CNTNAP2: variants seen among roughly 807,000 people sequenced by gnomAD.
CNTNAP2 encodes contactin-associated protein-like 2.
CNTNAP2 carries 98 observed loss-of-function variants against 155.2 expected under a neutral mutation model. The observed-to-expected ratio is 0.63, with a 90% CI of 0.54 to 0.75. The LOEUF (loss-of-function observed/expected upper bound fraction) is 0.75. Ranked by LOEUF, CNTNAP2 falls within the 30% of genes least tolerant of loss-of-function variation. The pLI is 0.00. For missense variants in CNTNAP2, 1,727 were observed against 1,688.1 expected (o/e 1.02, Z -0.40); for synonymous variants, 651 against 631.2 (o/e 1.03, Z -0.47).
At chr7:148,208,038 A>G (rs1285218890) in intron 18 of CNTNAP2, among the ~76,000 whole-genome samples, 2 of 151,960 alleles carry the variant, frequency 1.3e-5, no homozygotes, top group Middle Eastern at 3.4e-3. Context: ...GCAGTGAGCC[A>G]AGATTACGCC....
At chr7:147,998,283 T>G (rs1323090555) in intron 15 of CNTNAP2, among the ~76,000 whole-genome samples, 7 of 151,818 alleles carry the variant, frequency 4.6e-5, no homozygotes, top group Admixed American at 3.3e-4. Context: ...GGCTAATTTT[T>G]TGTATTTTTA....
intron 4 of CNTNAP2, among the ~76,000 whole-genome samples, chr7:147,074,170 C>T (rs1000148708): frequency 6.6e-6 from 1 of 152,080 alleles, no homozygotes; most frequent in African/African-American, 2.4e-5. Flanking sequence ...CAACGTGTTT[C>T]CCTGATAATC....
At chr7:147,983,379 G>A (rs1268774244) in intron 15 of CNTNAP2, among the ~76,000 whole-genome samples, 3 of 151,616 alleles carry the variant, frequency 2.0e-5, no homozygotes, top group East Asian at 1.9e-4. Flanking sequence ...AATCACTTTC[G>A]ATTCATTTTC....
intron 1 of CNTNAP2, among the ~76,000 whole-genome samples, chr7:146,601,164 G>A (rs1798944105): frequency 6.6e-6 from 1 of 152,148 alleles, no homozygotes; most frequent in East Asian, 1.9e-4. Context: ...CTAGAATATT[G>A]TTTGGCATAG....
intron 13 of CNTNAP2, among the ~76,000 whole-genome samples, chr7:147,674,549 A>G (rs553894884): frequency 6.0e-4 from 92 of 152,306 alleles, no homozygotes; most frequent in African/African-American, 1.7e-3. Flanking sequence ...AGAGTTATTT[A>G]TATAAGCAGC....
intron 13 of CNTNAP2, among the ~76,000 whole-genome samples, chr7:147,854,123 A>C (rs1003676038): frequency 6.6e-6 from 1 of 152,184 alleles, no homozygotes; most frequent in East Asian, 1.9e-4. Flanking sequence ...TTCGGCCATT[A>C]TACCAGCTAA....
intron 19 of CNTNAP2, among the ~76,000 whole-genome samples, chr7:148,223,302 T>C (rs1795785792): frequency 1.3e-5 from 2 of 152,188 alleles, no homozygotes. Context: ...TAATGTACTG[T>C]ATTGTTATCT....
At chr7:147,424,768 T>C (rs1269812343) in intron 10 of CNTNAP2, among the ~76,000 whole-genome samples, 1 of 152,176 alleles carries the variant, frequency 6.6e-6, no homozygotes, top group Non-Finnish European at 1.5e-5. Context: ...TAAAAATAAA[T>C]GTTTCTCTCT....
chr7:146,242,124 C>G (rs1799572197), intron 1 of CNTNAP2, among the ~76,000 whole-genome samples: 1 of 152,184 alleles, frequency 6.6e-6, no homozygotes, highest in South Asian at 2.1e-4. Context: ...AAATGTTTCA[C>G]TCATTGTTTT....
intron 13 of CNTNAP2, among the ~76,000 whole-genome samples, chr7:147,888,143 A>C (rs1410232446): frequency 2.6e-5 from 4 of 152,198 alleles, no homozygotes; most frequent in Non-Finnish European, 5.9e-5. Flanking sequence ...ATTGTGAATC[A>C]ATAGAGATAA....
chr7:147,818,505 G>C (rs2116617986), intron 13 of CNTNAP2, among the ~76,000 whole-genome samples: 2 of 152,270 alleles, frequency 1.3e-5, no homozygotes, highest in East Asian at 3.9e-4. Context: ...GATGCCCCGT[G>C]CACTCACGAT....
chr7:147,630,984 A>G (rs1026934051), intron 12 of CNTNAP2, among the ~76,000 whole-genome samples: 2 of 152,144 alleles, frequency 1.3e-5, no homozygotes, highest in Non-Finnish European at 2.9e-5. Context: ...GCAATCAGAC[A>G]AGAGAAAGAA....
At chr7:147,635,765 C>T (rs1795170332) in intron 12 of CNTNAP2, among the ~76,000 whole-genome samples, 1 of 152,058 alleles carries the variant, frequency 6.6e-6, no homozygotes, top group Non-Finnish European at 1.5e-5. Flanking sequence ...TTAATGCTTG[C>T]CTTTATGACC....
At chr7:147,116,701 C>A (rs905569757) in intron 5 of CNTNAP2, among the ~76,000 whole-genome samples, 40 of 151,256 alleles carry the variant, frequency 2.6e-4, no homozygotes, top group South Asian at 4.2e-4. Flanking sequence ...CAGGTGGTGA[C>A]CCTCCCCTCC....
intron 4 of CNTNAP2, among the ~76,000 whole-genome samples, chr7:147,101,753 T>G (rs1184791175): frequency 6.6e-6 from 1 of 152,098 alleles, no homozygotes; most frequent in African/African-American, 2.4e-5. Context: ...CCCCTCTTGA[T>G]GTACAGACGC....
chr7:146,232,690 T>C (rs922912286), intron 1 of CNTNAP2, among the ~76,000 whole-genome samples: 1 of 152,182 alleles, frequency 6.6e-6, no homozygotes, highest in African/African-American at 2.4e-5. Flanking sequence ...AATAACCCTA[T>C]ACACTTATTC....
chr7:147,164,354 A>T (rs141637586), intron 8 of CNTNAP2, among the ~76,000 whole-genome samples: 15 of 152,356 alleles, frequency 9.8e-5, no homozygotes, highest in East Asian at 5.8e-4. Context: ...TGCATAAACC[A>T]AGTAGTTAGG....
intron 10 of CNTNAP2, among the ~76,000 whole-genome samples, chr7:147,456,247 A>G (rs981339546): frequency 1.3e-5 from 2 of 152,142 alleles, no homozygotes; most frequent in African/African-American, 2.4e-5. Flanking sequence ...TTGGAGATCT[A>G]TGACAAAGAA....
intron 10 of CNTNAP2, among the ~76,000 whole-genome samples, chr7:147,452,904 AG>A (rs971077413): frequency 1.3e-5 from 2 of 149,914 alleles, no homozygotes; most frequent in Non-Finnish European, 3.0e-5. Flanking sequence ...AAGAATATAA[AG>A]GAATGAGAAA....
Sources: allele counts gnomAD v4.1 joint callset (sites outside exome capture counted in the v4.1 genomes callset), GRCh38; gene constraint gnomAD v4.1.1; transcripts MANE v1.5; gene names NCBI Gene and HGNC (gene_info 2026-07-23, HGNC 2026-07-21).